Variants in SGCZ observed in about 807,000 individuals in gnomAD.
The protein encoded by SGCZ is zeta-sarcoglycan.
SGCZ carries 40 observed loss-of-function variants against 41.3 expected under a neutral mutation model. The observed-to-expected ratio is 0.97, with a 90% CI of 0.75 to 1.26. The LOEUF (loss-of-function observed/expected upper bound fraction) is 1.26, where lower values mean the gene tolerates loss of function less well. SGCZ is among the 50% of genes most tolerant of loss of function. The pLI, the probability that SGCZ is intolerant of heterozygous loss-of-function variation, is 0.00. For synonymous variants in SGCZ, 206 were observed against 137.5 expected (o/e 1.50, Z -3.49); for missense variants, 552 against 369.8 (o/e 1.49, Z -4.04).
At chr8:14,260,233 C>T (rs1408695535) in intron 3 of SGCZ, among the ~76,000 whole-genome samples, 2 of 151,926 alleles carry the variant, frequency 1.3e-5, no homozygotes, top group African/African-American at 4.8e-5. Flanking sequence ...CTACAATGAA[C>T]TCAAACAAAT....
At chr8:14,358,941 G>C (rs1284554075) in intron 2 of SGCZ, among the ~76,000 whole-genome samples, 2 of 151,886 alleles carry the variant, frequency 1.3e-5, no homozygotes, top group African/African-American at 4.8e-5. Flanking sequence ...AAATAAAAAT[G>C]GTTATTTTTA....
At chr8:15,215,422 A>G (rs1285607462) in intron 1 of SGCZ, among the ~76,000 whole-genome samples, 1 of 152,184 alleles carries the variant, frequency 6.6e-6, no homozygotes, top group Non-Finnish European at 1.5e-5. Context: ...ATATTTTTAC[A>G]GGCACTGTTT....
At chr8:15,229,753 G>C (rs1801886579) in intron 1 of SGCZ, among the ~76,000 whole-genome samples, 1 of 152,176 alleles carries the variant, frequency 6.6e-6, no homozygotes, top group African/African-American at 2.4e-5. Flanking sequence ...TCCCATTCAT[G>C]ACATTGATTT....
chr8:14,573,658 G>C (rs1212069698), intron 1 of SGCZ, among the ~76,000 whole-genome samples: 1 of 152,066 alleles, frequency 6.6e-6, no homozygotes, highest in African/African-American at 2.4e-5. Context: ...TGGCAGGAGA[G>C]ACTGGTTCCC....
At chr8:14,990,468 T>A (rs577265018) in intron 1 of SGCZ, among the ~76,000 whole-genome samples, 1 of 152,156 alleles carries the variant, frequency 6.6e-6, no homozygotes, top group African/African-American at 2.4e-5. Context: ...TCCTGTCCCA[T>A]CAACCACAGC....
At chr8:15,217,440 C>T (rs1014370456) in intron 1 of SGCZ, among the ~76,000 whole-genome samples, 2 of 149,810 alleles carry the variant, frequency 1.3e-5, no homozygotes, top group East Asian at 2.0e-4. Context: ...AAGAATTGAA[C>T]TAACAAAAAT....
chr8:15,220,659 C>G (rs1225934188), intron 1 of SGCZ, among the ~76,000 whole-genome samples: 1 of 152,124 alleles, frequency 6.6e-6, no homozygotes, highest in Admixed American at 6.5e-5. Flanking sequence ...GATGCCATTA[C>G]TGGATATATA....
intron 2 of SGCZ, among the ~76,000 whole-genome samples, chr8:14,430,722 G>A (rs1464369596): frequency 1.3e-5 from 2 of 152,002 alleles, no homozygotes; most frequent in Non-Finnish European, 2.9e-5. Flanking sequence ...AAGAAATAAA[G>A]GGCATCCAAA....
intron 1 of SGCZ, among the ~76,000 whole-genome samples, chr8:14,953,301 G>A (rs932782879): frequency 7.9e-5 from 12 of 152,088 alleles, no homozygotes; most frequent in Non-Finnish European, 1.3e-4. Flanking sequence ...TCCCAAGGGG[G>A]AAGCGCTACG....
chr8:14,915,489 A>G (rs1165994131), intron 1 of SGCZ, among the ~76,000 whole-genome samples: 1 of 152,142 alleles, frequency 6.6e-6, no homozygotes, highest in African/African-American at 2.4e-5. Flanking sequence ...GCACGGGTGA[A>G]TGCCAGAAGG....
intron 1 of SGCZ, among the ~76,000 whole-genome samples, chr8:14,624,578 T>TA (rs1806392084): frequency 1.5e-5 from 2 of 137,252 alleles, no homozygotes; most frequent in African/African-American, 5.4e-5. Flanking sequence ...TTTTTTTTTT[T>TA]TTTTTTTTTT....
At chr8:14,483,797 T>A (rs1801598850) in intron 2 of SGCZ, among the ~76,000 whole-genome samples, 1 of 152,178 alleles carries the variant, frequency 6.6e-6, no homozygotes, top group Admixed American at 6.5e-5. Flanking sequence ...TATGAATATA[T>A]GCAGCATAAA....
intron 2 of SGCZ, among the ~76,000 whole-genome samples, chr8:14,412,082 C>T (rs148122775): frequency 3.9e-4 from 59 of 152,102 alleles, no homozygotes; most frequent in African/African-American, 1.4e-3. Flanking sequence ...AATTGCCATT[C>T]AAAGATTGAT....
chr8:14,815,130 G>A lies in SGCZ; in HGVS notation c.40-260204C>T, dbSNP rs767135994. ...AGGCAGGGTATTTGTTATTATTTTG[G>A]TTATACTTCAATTAGTAAGTGTATG... On this transcript the variant is annotated intron_variant, in intron 1 of 7. Transcript: ENST00000382080. 3.2e-4 allele frequency among the ~76,000 whole-genome samples: 48 copies of A among 152,096 alleles called. 1 individual carries two copies. The highest frequency in any genetic ancestry group is 9.4e-4 in the African/African-American group (39 of 41,496).
At chr8:14,437,516 C>G (rs1800127847) in intron 2 of SGCZ, among the ~76,000 whole-genome samples, 2 of 151,962 alleles carry the variant, frequency 1.3e-5, no homozygotes, top group South Asian at 4.1e-4. Flanking sequence ...TATTTTCAAG[C>G]AATACATTTT....
chr8:14,594,132 G>A (rs1270764598), intron 1 of SGCZ, among the ~76,000 whole-genome samples: 1 of 151,046 alleles, frequency 6.6e-6, no homozygotes, highest in Non-Finnish European at 1.5e-5. Flanking sequence ...TCGAGATTAG[G>A]CTATTGCACT....
At chr8:15,042,240 C>T (rs1289318878) in intron 1 of SGCZ, among the ~76,000 whole-genome samples, 2 of 152,122 alleles carry the variant, frequency 1.3e-5, no homozygotes, top group Admixed American at 6.5e-5. Flanking sequence ...TGTGATCGAA[C>T]CCACCAATGG....
At chr8:15,071,398 G>C (rs975794184) in intron 1 of SGCZ, among the ~76,000 whole-genome samples, 1 of 152,026 alleles carries the variant, frequency 6.6e-6, no homozygotes, top group Non-Finnish European at 1.5e-5. Context: ...ACTGGACTTT[G>C]GAAAACCTAT....
At chr8:14,915,272 G>A (rs1396393393) in intron 1 of SGCZ, among the ~76,000 whole-genome samples, 1 of 152,076 alleles carries the variant, frequency 6.6e-6, no homozygotes. Context: ...TGCTGTTATG[G>A]TAATTCAACT....
Sources: allele counts gnomAD v4.1 joint callset (sites outside exome capture counted in the v4.1 genomes callset), GRCh38; gene constraint gnomAD v4.1.1; transcripts MANE v1.5; gene names NCBI Gene and HGNC (gene_info 2026-07-23, HGNC 2026-07-21).